Variants in GBX1 observed in about 807,000 individuals in gnomAD.
GBX1 encodes the protein homeobox protein GBX-1.
Under a neutral mutation model 22.9 loss-of-function variants are expected in GBX1, and 9 were observed. That is an observed-to-expected ratio of 0.39 (90% CI 0.24 to 0.69). The LOEUF is 0.69. Ranked by LOEUF, GBX1 falls within the 30% of genes least tolerant of loss-of-function variation. The probability of loss-of-function intolerance (pLI) is 0.43; values close to 1 mark genes in which losing one functional copy is unlikely to be tolerated. For missense variants in GBX1, 494 were observed against 509.2 expected (o/e 0.97, Z 0.29); for synonymous variants, 203 against 227.3 (o/e 0.89, Z 0.96).
chr7:151,162,348 G>T (rs1283995384), intron 1 of GBX1, among the ~76,000 whole-genome samples: 1 of 152,060 alleles, frequency 6.6e-6, no homozygotes, highest in African/African-American at 2.4e-5. Flanking sequence ...TACCTATTCA[G>T]AAATTAATTA....
intron 1 of GBX1, among the ~76,000 whole-genome samples, chr7:151,162,804 C>CTTTT (rs111815011): frequency 7.9e-6 from 1 of 126,456 alleles, no homozygotes; most frequent in Non-Finnish European, 1.7e-5. Flanking sequence ...TTTCTTCTGC[C>CTTTT]TTTTTTTTTT....
At chr7:151,155,613 C>T (rs1409877074) in intron 1 of GBX1, among the ~76,000 whole-genome samples, 1 of 152,026 alleles carries the variant, frequency 6.6e-6, no homozygotes, top group East Asian at 1.9e-4. Flanking sequence ...AAAAAATTTT[C>T]TTTACATCAC....
At chr7:151,163,238 C>T (rs1045971194) in intron 1 of GBX1, among the ~76,000 whole-genome samples, 2 of 151,898 alleles carry the variant, frequency 1.3e-5, no homozygotes, top group African/African-American at 2.4e-5. Flanking sequence ...TTACTCTCAG[C>T]CAGAGCTCAC....
At chr7:151,156,116 G>A (rs1382803644) in intron 1 of GBX1, among the ~76,000 whole-genome samples, 4 of 151,988 alleles carry the variant, frequency 2.6e-5, no homozygotes, top group Admixed American at 2.0e-4. Context: ...AGACTCAGTG[G>A]CTCACACCTG....
intron 1 of GBX1, among the ~76,000 whole-genome samples, chr7:151,164,525 A>G: frequency 6.6e-6 from 1 of 152,224 alleles, no homozygotes; most frequent in Admixed American, 6.5e-5. Context: ...ACTGAGAGTG[A>G]CAGAAGCAGC....
intron 1 of GBX1, among the ~76,000 whole-genome samples, chr7:151,159,603 A>G (rs1801170774): frequency 6.6e-6 from 1 of 151,998 alleles, no homozygotes; most frequent in African/African-American, 2.4e-5. Context: ...CTGATCTCAA[A>G]CTCATGGACT....
intron 1 of GBX1, among the ~76,000 whole-genome samples, chr7:151,157,669 G>A (rs1801151083): frequency 6.6e-6 from 1 of 152,058 alleles, no homozygotes; most frequent in African/African-American, 2.4e-5. Context: ...TCCCCCTTTT[G>A]CTCAGTAGCA....
intron 1 of GBX1, 133 bp from the exon 2 acceptor site, chr7:151,149,275 GAGA>G (rs1801050468): frequency 1.4e-5 from 11 of 805,802 alleles, no homozygotes; most frequent in Non-Finnish European, 4.0e-6. Context: ...CCATGGAGAG[GAGA>G]AGATGGGGAG....
intron 1 of GBX1, among the ~76,000 whole-genome samples, chr7:151,164,574 A>C (rs1801227700): frequency 6.6e-6 from 1 of 152,110 alleles, no homozygotes; most frequent in South Asian, 2.1e-4. Flanking sequence ...TGCTCTTTGA[A>C]TGTTTCTTCT....
chr7:151,148,478 C>T lies in GBX1; in HGVS notation c.*111G>A. On this transcript the variant is annotated 3_prime_UTR_variant, in exon 2 of 2. Transcript: ENST00000297537. The surrounding 1 kb of genome is among the most constrained non-coding windows in gnomAD (Gnocchi z 5.1). Reference sequence around the variant, plus strand: ...AGGGCTAGGTTAATTGCCAACTAGCCCCTCTCAAGGCAGAATCACAGTTGC... The same window carrying T: ...AGGGCTAGGTTAATTGCCAACTAGCTCCTCTCAAGGCAGAATCACAGTTGC... 5 of 1,042,364 alleles carry T rather than the reference C, an allele frequency of 4.8e-6. No homozygotes were observed. The highest frequency in any genetic ancestry group is 6.9e-6 in the Non-Finnish European group (5 of 721,988). 64.6% of individuals were successfully genotyped at this position (1,042,364 alleles called of 1,614,324 possible). A position where few individuals can be genotyped will look rare whatever the true frequency, so the allele number is the denominator to read the frequency against.
At chr7:151,161,063 GTTTCTTTTCCCATTACT>G (rs985421022) in intron 1 of GBX1, among the ~76,000 whole-genome samples, 4 of 151,956 alleles carry the variant, frequency 2.6e-5, no homozygotes, top group African/African-American at 7.2e-5. Context: ...TTCCAAATCA[GTTTCTTTTCCCATTACT>G]TTTCTTTTCC....
intron 1 of GBX1, among the ~76,000 whole-genome samples, chr7:151,165,319 T>C (rs147806577): frequency 1.8e-3 from 267 of 152,290 alleles, no homozygotes; most frequent in African/African-American, 5.9e-3. Flanking sequence ...GTGGGACAAA[T>C]TGCTTGTTGT....
At chr7:151,159,852 C>T (rs1157665363) in intron 1 of GBX1, among the ~76,000 whole-genome samples, 2 of 152,096 alleles carry the variant, frequency 1.3e-5, no homozygotes, top group Admixed American at 1.3e-4. Flanking sequence ...CAAAATCTAC[C>T]GTCTTTATCA....
At chr7:151,155,168 C>G (rs1397877074) in intron 1 of GBX1, among the ~76,000 whole-genome samples, 1 of 152,202 alleles carries the variant, frequency 6.6e-6, no homozygotes, top group African/African-American at 2.4e-5. Context: ...CCCAACCACT[C>G]TTAGGAAAGG....
chr7:151,161,332 C>G (rs1489526770), intron 1 of GBX1, among the ~76,000 whole-genome samples: 2 of 152,134 alleles, frequency 1.3e-5, no homozygotes. Flanking sequence ...ACCTTAGAGA[C>G]TCTTTCTCTC....
intron 1 of GBX1, among the ~76,000 whole-genome samples, chr7:151,156,598 T>C (rs954378254): frequency 1.3e-5 from 2 of 152,118 alleles, no homozygotes; most frequent in African/African-American, 4.8e-5. Flanking sequence ...CTGTCATTCC[T>C]GAGACAAAAT....
intron 1 of GBX1, among the ~76,000 whole-genome samples, chr7:151,161,303 C>T (rs1025599320): frequency 6.6e-6 from 1 of 152,162 alleles, no homozygotes; most frequent in East Asian, 1.9e-4. Flanking sequence ...TTATATATAT[C>T]TCCATATTTA....
Position 151,167,451 on chromosome 7 carries a change from G to C in GBX1, c.98C>G (p.Pro33Arg), listed in dbSNP as rs929834883. Residue 33 changes from proline (P) to arginine (R), a missense_variant, in exon 1 of 2, where the codon CCG (proline) becomes CGG (arginine). Around this residue, in one of 3 missense-constraint regions of GBX1, gnomAD observed 365 missense variants for 340.4 expected, o/e 1.07. Transcript: ENST00000297537. This position sits in a 1 kb window ranked among gnomAD's most constrained non-coding sequence, Gnocchi z 5.9. ...TAFSIDSLIGPPPPRSGHLLY... is the reference protein window; with the variant it reads ...TAFSIDSLIGRPPPRSGHLLY... ...CAAGTGGCCGGAGCGCGGCGGCGGC[G>C]GCCCGATTAGGGAGTCGATGGAGAA... is the stretch of plus-strand genomic sequence containing the variant. 1.3e-6 allele frequency: 2 copies of C among 1,515,954 alleles called. No homozygotes were observed. The highest frequency in any genetic ancestry group is 2.7e-5 in the East Asian group (1 of 37,190). 93.9% of individuals were successfully genotyped at this position (1,515,954 alleles called of 1,614,324 possible). A position where few individuals can be genotyped will look rare whatever the true frequency, so the allele number is the denominator to read the frequency against.
intron 1 of GBX1, among the ~76,000 whole-genome samples, chr7:151,159,493 TCCTACCTCAG>T (rs946081230): frequency 3.3e-5 from 5 of 152,164 alleles, no homozygotes; most frequent in Non-Finnish European, 7.4e-5. Context: ...CCAGCAATCC[TCCTACCTCAG>T]CCTTCTGAGT....
Sources: allele counts gnomAD v4.1 joint callset (sites outside exome capture counted in the v4.1 genomes callset), GRCh38; gene constraint gnomAD v4.1.1; regional missense constraint gnomAD v4.1.1; non-coding constraint Gnocchi (gnomAD v3.1); transcripts MANE v1.5; gene names NCBI Gene and HGNC (gene_info 2026-07-23, HGNC 2026-07-21).